The following CCDC192 variants were observed in gnomAD, a reference collection of about 807,000 sequenced individuals.
CCDC192 encodes the protein coiled-coil domain containing 192.
intron 2 of CCDC192, among the ~76,000 whole-genome samples, chr5:127,734,442 A>C (rs1360939371): frequency 2.0e-5 from 3 of 151,030 alleles, no homozygotes; most frequent in Non-Finnish European, 1.5e-5. Flanking sequence ...GTATATACCC[A>C]GTAATGGGAT....
chr5:127,713,980 C>T (rs1333350373), intron 2 of CCDC192, among the ~76,000 whole-genome samples: 1 of 152,122 alleles, frequency 6.6e-6, no homozygotes, highest in East Asian at 1.9e-4. Context: ...GTATTTATCC[C>T]CCTATACCAC....
At chr5:127,779,216 G>T (rs1756044986) in intron 3 of CCDC192, among the ~76,000 whole-genome samples, 1 of 151,842 alleles carries the variant, frequency 6.6e-6, no homozygotes, top group South Asian at 2.1e-4. Context: ...ACTTTCCTCT[G>T]CATCACATAA....
chr5:127,941,296 T>C lies in CCDC192; in HGVS notation c.650T>C (p.Ile217Thr), dbSNP rs554099846. The change falls in exon 7 of 7, where the codon ATT (isoleucine) becomes ACT (threonine). Residue 217 changes from isoleucine to threonine, a missense_variant. Transcript: ENST00000514853. The part of the protein sequence containing the change: ...STQVSLQTER[I>T]TQLKEVLEEK... ...CAGGTTTCCCTTCAGACTGAGAGAA[T>C]TACTCAGCTGAAAGAAGTTTTGGAG... The C allele has an allele frequency of 2.5e-6, 1 of 399,054 alleles. No homozygotes were observed. Among genetic ancestry groups the C allele is most frequent in the African/African-American group, 2.1e-5 (1 of 48,736 alleles). 24.7% of individuals were successfully genotyped at this position (399,054 alleles called of 1,614,324 possible). A position where few individuals can be genotyped will look rare whatever the true frequency, so the allele number is the denominator to read the frequency against.
chr5:127,735,500 T>A (rs1301840121), intron 2 of CCDC192, among the ~76,000 whole-genome samples: 3 of 112,682 alleles, frequency 2.7e-5, no homozygotes, highest in Non-Finnish European at 5.6e-5. Context: ...TGGCATTGAA[T>A]CTGTAAATTA....
chr5:127,907,600 G>C (rs1008649843), intron 6 of CCDC192, among the ~76,000 whole-genome samples: 1 of 152,008 alleles, frequency 6.6e-6, no homozygotes, highest in African/African-American at 2.4e-5. Flanking sequence ...CTATTTCAAA[G>C]GTTTTGCTTT....
At chr5:127,905,682 A>T (rs1156736305) in intron 6 of CCDC192, among the ~76,000 whole-genome samples, 1 of 152,178 alleles carries the variant, frequency 6.6e-6, no homozygotes, top group African/African-American at 2.4e-5. Context: ...CTCACAGCCT[A>T]TGTTTCTTTT....
At chr5:127,804,991 A>G (rs1489235042) in intron 5 of CCDC192, among the ~76,000 whole-genome samples, 2 of 152,156 alleles carry the variant, frequency 1.3e-5, no homozygotes, top group Non-Finnish European at 2.9e-5. Context: ...TTCCTAGTGC[A>G]GTGCCGGGGA....
intron 5 of CCDC192, among the ~76,000 whole-genome samples, chr5:127,800,376 GAAA>G (rs1168212422): frequency 1.2e-3 from 24 of 19,510 alleles, no homozygotes; most frequent in African/African-American, 4.9e-3. Flanking sequence ...GAGGTATTCT[GAAA>G]AAAAAAAAAA....
intron 5 of CCDC192, among the ~76,000 whole-genome samples, chr5:127,858,543 GT>G: frequency 6.6e-6 from 1 of 152,270 alleles, no homozygotes; most frequent in African/African-American, 2.4e-5. Flanking sequence ...CTGCATCTGT[GT>G]GATTATTTTA....
rs1561445022 is a variant in CCDC192, at chr5:127,719,546, T to TACACACACACACACACACACATAC, written c.114+11787_114+11788insCACACACACACACACACACATACA. Among the ~76,000 whole-genome samples the TACACACACACACACACACACATAC allele has an allele frequency of 1.2e-4, 4 of 33,178 alleles. No individual in the cohort carries two copies. In the East Asian group the frequency reaches 3.5e-3, roughly 29 times the overall value. 21.8% of individuals were successfully genotyped at this position (33,178 alleles called of 152,430 possible). A position where few individuals can be genotyped will look rare whatever the true frequency, so the allele number is the denominator to read the frequency against. On this transcript the variant is annotated intron_variant, in intron 2 of 6. Coordinates refer to ENST00000514853, the MANE Select transcript of CCDC192 (RefSeq NM_001317938.2). ...ATATACACACATACATATATATATA[T>TACACACACACACACACACACATAC]ATATATATATATACACACATACATA...
rs200224246 is a variant in CCDC192 at position 127,722,311 on chromosome 5, C to CTT, written c.114+14562_114+14563dup. The stretch of plus-strand genomic sequence containing the variant: ...CTTTTGCTCATTTTTAATTAGAGTA[C>CTT]TTTTTTTTTTTTACTATTGTTTGAG... On this transcript the variant is annotated intron_variant, in intron 2 of 6. Transcript: ENST00000514853. Among the ~76,000 whole-genome samples, 38 of 145,738 alleles carry CTT rather than the reference C, an allele frequency of 2.6e-4. 1 individual carries two copies. The highest frequency in any genetic ancestry group is 1.6e-3 in the East Asian group (8 of 5,050).
At chr5:127,870,066 TCTTGCA>T (rs912103222) in intron 5 of CCDC192, among the ~76,000 whole-genome samples, 50 of 152,218 alleles carry the variant, frequency 3.3e-4, no homozygotes, top group African/African-American at 1.2e-3. Context: ...AAAAGCTACG[TCTTGCA>T]CTTGTGATTG....
intron 3 of CCDC192, among the ~76,000 whole-genome samples, chr5:127,793,951 A>G (rs1757022345): frequency 6.6e-6 from 1 of 152,210 alleles, no homozygotes; most frequent in South Asian, 2.1e-4. Flanking sequence ...AAGATTGGTT[A>G]ATAAAGCACT....
chr5:127,770,524 G>T (rs1052768765), intron 3 of CCDC192, among the ~76,000 whole-genome samples: 4 of 152,210 alleles, frequency 2.6e-5, no homozygotes, highest in African/African-American at 9.6e-5. Flanking sequence ...AATAGAATGT[G>T]CAAATAGAAT....
At chr5:127,883,951 A>G (rs534230997) in intron 6 of CCDC192, among the ~76,000 whole-genome samples, 7 of 152,252 alleles carry the variant, frequency 4.6e-5, no homozygotes, top group Non-Finnish European at 8.8e-5. Context: ...CTCCTTGCCT[A>G]TTGACCCCAC....
intron 5 of CCDC192, among the ~76,000 whole-genome samples, chr5:127,846,951 C>G (rs763671074): frequency 1.3e-5 from 2 of 152,012 alleles, no homozygotes; most frequent in Non-Finnish European, 2.9e-5. Context: ...ATTTTCCCTG[C>G]TCAGCATTTC....
intron 6 of CCDC192, among the ~76,000 whole-genome samples, chr5:127,914,896 G>A (rs781249122): frequency 4.6e-5 from 7 of 152,094 alleles, no homozygotes; most frequent in Non-Finnish European, 7.3e-5. Context: ...TCAATTGGAA[G>A]GGCCCAAGTT....
intron 6 of CCDC192, among the ~76,000 whole-genome samples, chr5:127,936,140 A>G (rs1702173469): frequency 6.6e-6 from 1 of 152,108 alleles, no homozygotes; most frequent in Non-Finnish European, 1.5e-5. Context: ...ATTATCAAAG[A>G]GATGTTACAG....
chr5:127,906,035 A>G (rs747428977), intron 6 of CCDC192, among the ~76,000 whole-genome samples: 21 of 152,330 alleles, frequency 1.4e-4, no homozygotes, highest in Middle Eastern at 3.4e-3. Flanking sequence ...AATATATACA[A>G]CATACAATTC....
Sources: allele counts gnomAD v4.1 joint callset (sites outside exome capture counted in the v4.1 genomes callset), GRCh38; gene constraint gnomAD v4.1.1; transcripts MANE v1.5; gene names NCBI Gene and HGNC (gene_info 2026-07-23, HGNC 2026-07-21).